DISP1: variants seen among roughly 807,000 people sequenced by gnomAD.
DISP1 encodes the protein dispatched RND transporter family member 1.
In DISP1, 30 loss-of-function variants were observed where a neutral mutation model predicts 37.3. That is an observed-to-expected ratio of 0.80 (90% CI 0.60 to 1.09). DISP1 has a LOEUF of 1.09. Among genes scored for constraint, DISP1 ranks in the 50% least tolerant of loss-of-function variants. DISP1 has a pLI of 0.00. For synonymous variants in DISP1, 634 were observed against 690.2 expected (o/e 0.92, Z 1.28); for missense variants, 1,598 against 1,879.5 (o/e 0.85, Z 2.77).
Position 222,990,763 on chromosome 1 carries a change from T to C in DISP1, c.663+15T>C. ...ATCCATTGCTGGTAACTAACTTTTA[T>C]GTTTTCTTTAGCCTAAAATCATCTC... is the stretch of plus-strand genomic sequence containing the variant. On this transcript the variant is annotated intron_variant, in intron 5 of 8. Coordinates refer to ENST00000675850, the MANE Select transcript of DISP1 (RefSeq NM_001377229.1). The C allele has an allele frequency of 6.2e-7, 1 of 1,613,824 alleles. No homozygotes were observed. The highest frequency in any genetic ancestry group is 2.2e-5 in the East Asian group (1 of 44,878).
At chr1:222,917,270 G>A (rs1474524887) in intron 1 of DISP1, among the ~76,000 whole-genome samples, 1 of 152,164 alleles carries the variant, frequency 6.6e-6, no homozygotes, top group African/African-American at 2.4e-5. Context: ...GGTAACCGTA[G>A]TAACTGTGGC....
intron 2 of DISP1, among the ~76,000 whole-genome samples, chr1:222,938,733 TA>T (rs33948431): frequency 0.023 from 1,312 of 57,608 alleles, 45 homozygotes; most frequent in African/African-American, 0.057. Flanking sequence ...ACCCTGTCTT[TA>T]AAAAAAAAAA....
rs1673491114 is a variant in DISP1, at chr1:222,932,877, G to A, written c.-18+4307G>A. Among the ~76,000 whole-genome samples the A allele has an allele frequency of 2.0e-5, 3 of 151,958 alleles. No individual in the cohort carries two copies. In the South Asian group the frequency reaches 6.2e-4, roughly 31 times the overall value. ...TTGAAATATGTATTTAGGAAGATAA[G>A]TGTTTATGCTAAATGAAGGATATCA... On this transcript the variant is annotated intron_variant, in intron 2 of 8. Transcript: ENST00000675850.
At chr1:222,873,207 T>G (rs1669693917) in intron 1 of DISP1, among the ~76,000 whole-genome samples, 1 of 152,190 alleles carries the variant, frequency 6.6e-6, no homozygotes, top group South Asian at 2.1e-4. Flanking sequence ...TGTGGTCAAT[T>G]TTGGAATAGG....
At chr1:222,885,651 T>A (rs1364375396) in intron 1 of DISP1, among the ~76,000 whole-genome samples, 4 of 151,984 alleles carry the variant, frequency 2.6e-5, no homozygotes, top group Non-Finnish European at 4.4e-5. Flanking sequence ...ATTTCCTAAT[T>A]TTTATTAGAG....
intron 3 of DISP1, among the ~76,000 whole-genome samples, chr1:222,972,121 A>G (rs575215862): frequency 6.6e-6 from 1 of 152,188 alleles, no homozygotes; most frequent in East Asian, 1.9e-4. Flanking sequence ...ATTATATAAA[A>G]TATTAGACAA....
intron 3 of DISP1, among the ~76,000 whole-genome samples, chr1:222,960,561 C>A (rs906457727): frequency 2.0e-5 from 3 of 151,994 alleles, no homozygotes; most frequent in African/African-American, 7.2e-5. Context: ...ATTAAAAGAG[C>A]TAGAGAGGCA....
At chr1:222,958,951 GT>G (rs35888907) in intron 3 of DISP1, among the ~76,000 whole-genome samples, 51,056 of 149,854 alleles carry the variant, frequency 0.34, 8,760 homozygotes, top group African/African-American at 0.42. Flanking sequence ...AGAATGTTTA[GT>G]TTTTTTTTTA....
chr1:222,956,375 T>C (rs1234697081), intron 3 of DISP1, among the ~76,000 whole-genome samples: 1 of 152,210 alleles, frequency 6.6e-6, no homozygotes, highest in Non-Finnish European at 1.5e-5. Context: ...CTCAGCACTT[T>C]AGAAGTTTAG....
At chr1:222,936,834 TA>T (rs60791700) in intron 2 of DISP1, among the ~76,000 whole-genome samples, 2,103 of 40,998 alleles carry the variant, frequency 0.051, 99 homozygotes, top group African/African-American at 0.09. Context: ...ATATATAAAT[TA>T]TATATATCAT....
At chr1:222,909,215 C>T (rs1255314094) in intron 1 of DISP1, among the ~76,000 whole-genome samples, 1 of 151,828 alleles carries the variant, frequency 6.6e-6, no homozygotes, top group Non-Finnish European at 1.5e-5. Context: ...TTCTATAATT[C>T]AATAATGTAT....
At chr1:222,980,834 C>G (rs1677779171) in intron 3 of DISP1, among the ~76,000 whole-genome samples, 1 of 152,226 alleles carries the variant, frequency 6.6e-6, no homozygotes, top group Admixed American at 6.5e-5. Flanking sequence ...CCTGTAATCC[C>G]AGCACTTTGG....
chr1:222,996,596 G>C (rs114583267), intron 8 of DISP1, among the ~76,000 whole-genome samples: 2,382 of 152,250 alleles, frequency 0.016, 55 homozygotes, highest in African/African-American at 0.054. Flanking sequence ...TATTTAGTGA[G>C]TATTTACCAT....
In DISP1 at chr1:222,991,590, G is replaced by A. The variant is rs1201205544; in HGVS notation, c.734G>A (p.Gly245Glu). ...TGGAATAATATGGTGAAAAATACAG[G>A]ATACAAAGCAACATTAGCAAATTAT... ...VTWNNMVKNT[G>E]YKATLANYPF... Residue 245 changes from glycine to glutamate, a missense_variant, in exon 6 of 9, where the codon GGA becomes GAA. Transcript: ENST00000675850. 7 of 1,613,766 alleles carry A rather than the reference G, an allele frequency of 4.3e-6. No homozygotes were observed. The Admixed American group carries it at 5.0e-5, about 12-fold the overall frequency.
intron 1 of DISP1, chr1:222,831,112 A>G (rs1665627041): frequency 6.6e-6 from 1 of 152,202 alleles, no homozygotes; most frequent in Non-Finnish European, 1.5e-5. Context: ...TAGGATATGT[A>G]TATGGATTAA....
intron 1 of DISP1, among the ~76,000 whole-genome samples, chr1:222,836,372 G>C (rs1048537187): frequency 3.3e-5 from 5 of 152,278 alleles, no homozygotes; most frequent in Non-Finnish European, 2.9e-5. Flanking sequence ...CTTGGAACTA[G>C]TGCTTTCTTA....
chr1:222,981,917 C>T (rs879287098), intron 3 of DISP1, among the ~76,000 whole-genome samples: 5 of 152,068 alleles, frequency 3.3e-5, no homozygotes, highest in Non-Finnish European at 7.4e-5. Context: ...GTCATGCAAC[C>T]CCTTTACAGT....
At chr1:222,995,084 C>A in intron 8 of DISP1, 102 bp downstream of exon 8, 1 of 939,398 alleles carries the variant, frequency 1.1e-6, no homozygotes, top group Non-Finnish European at 1.7e-6. Context: ...GAAAGTACTT[C>A]AGAGGCTTAC....
rs538263820 is a variant in DISP1, at chr1:222,854,008, A to G, written c.-159+38930A>G. Among the ~76,000 whole-genome samples the G allele has an allele frequency of 9.2e-5, 14 of 152,298 alleles. No homozygotes were observed. In the South Asian group the frequency reaches 1.7e-3, roughly 18 times the overall value. ...ACCATGTACCCCATGAATATCTACA[A>G]TTATTTTTTGTCAATTAACAAGCTC... On this transcript the variant is annotated intron_variant, in intron 1 of 8. Transcript: ENST00000675850.
Sources: gnomAD v4.1 joint callset for allele counts (sites outside exome capture counted in the v4.1 genomes callset) on GRCh38, gnomAD v4.1.1 for gene constraint, MANE v1.5 for transcripts, NCBI Gene and HGNC (gene_info 2026-07-23, HGNC 2026-07-21) for gene names.